ATP10B: variants seen among roughly 807,000 people sequenced by gnomAD.
ATP10B encodes the protein phospholipid-transporting ATPase VB.
Under a neutral mutation model 141.2 loss-of-function variants are expected in ATP10B, and 122 were observed. That is an observed-to-expected ratio of 0.86 (90% confidence interval 0.75 to 1.00). The LOEUF (loss-of-function observed/expected upper bound fraction) is 1.00, where lower values mean the gene tolerates loss of function less well. ATP10B is among the 50% of genes least tolerant of loss of function. The pLI is 0.00. For synonymous variants in ATP10B, 685 were observed against 692.0 expected, an observed-to-expected ratio of 0.99 and a Z score of 0.16; for missense variants, 1,876 against 1,825.3, an observed-to-expected ratio of 1.03 and a Z score of -0.51.
chr5:160,671,470 T>C lies in ATP10B; in HGVS notation c.471-803A>G, dbSNP rs76880663. On this transcript the variant is annotated intron_variant, in intron 6 of 25. Transcript: ENST00000327245. ...AGTGACGATAGGAAAGGCGAGGATC[T>C]CTGCCACTGTCTAGGAAGATCCGGA... Among the ~76,000 whole-genome samples, 875 of 152,244 alleles carry C rather than the reference T, an allele frequency of 5.7e-3. 13 individuals are homozygous for C. Among genetic ancestry groups the C allele is most frequent in the African/African-American group, 0.02 (837 of 41,552 alleles).
intron 17 of ATP10B, chr5:160,614,594 G>A (rs1435031179): frequency 6.6e-6 from 1 of 152,230 alleles, no homozygotes; most frequent in Non-Finnish European, 1.5e-5. Flanking sequence ...GACCTTATGA[G>A]GTAGCAAGCA....
At chr5:160,836,389 G>C (rs1278322800) in intron 1 of ATP10B, among the ~76,000 whole-genome samples, 1 of 151,952 alleles carries the variant, frequency 6.6e-6, no homozygotes, top group Non-Finnish European at 1.5e-5. Flanking sequence ...ACCTAGTGCT[G>C]ACTGAATTAT....
chr5:160,860,352 A>C, the ATP10B span, among the ~76,000 whole-genome samples: 891 of 152,074 alleles, frequency 5.9e-3, 12 homozygotes, highest in African/African-American at 0.02. Context: ...TAAATGTCAC[A>C]TTGTTTCTGT....
At chr5:160,575,727 A>T (rs1272921966) in intron 24 of ATP10B, among the ~76,000 whole-genome samples, 1 of 152,216 alleles carries the variant, frequency 6.6e-6, no homozygotes, top group Non-Finnish European at 1.5e-5. Flanking sequence ...CTAAATAGCC[A>T]CAGTCAATTT....
intron 2 of ATP10B, among the ~76,000 whole-genome samples, chr5:160,742,713 C>T (rs932048226): frequency 6.6e-6 from 1 of 151,934 alleles, no homozygotes; most frequent in African/African-American, 2.4e-5. Context: ...TGTAGGTGCA[C>T]AAGGAAAGAA....
intron 1 of ATP10B, among the ~76,000 whole-genome samples, chr5:160,828,201 T>A (rs1158467020): frequency 6.6e-6 from 1 of 151,964 alleles, no homozygotes; most frequent in Non-Finnish European, 1.5e-5. Context: ...GAAGCCAAAA[T>A]TGACAAATGG....
At chr5:160,919,403 T>A in the ATP10B span, among the ~76,000 whole-genome samples, 1 of 151,946 alleles carries the variant, frequency 6.6e-6, no homozygotes, top group Non-Finnish European at 1.5e-5. Flanking sequence ...GAACCAGGAC[T>A]CACACAAAGC....
chr5:160,762,058 T>C (rs1769088845), intron 2 of ATP10B, among the ~76,000 whole-genome samples: 1 of 152,094 alleles, frequency 6.6e-6, no homozygotes, highest in Non-Finnish European at 1.5e-5. Flanking sequence ...TTCCAAGAAA[T>C]TTGGGATTAT....
rs1003530048 is a variant in ATP10B at position 160,775,627 on chromosome 5, T to C, written c.-331+9932A>G. Among the ~76,000 whole-genome samples the C allele has an allele frequency of 2.0e-5, 3 of 152,018 alleles. No individual in the cohort carries two copies. The East Asian group carries it at 5.8e-4, about 29-fold the overall frequency. On this transcript the variant is annotated intron_variant, in intron 2 of 25. Coordinates refer to ENST00000327245, the MANE Select transcript of ATP10B (RefSeq NM_025153.3). Reference sequence around the variant, plus strand: ...GGGTTCAAATCCAAGCTCCACCACTTACTAGCTACATGGGTTCAAGAACTC... The same window carrying C: ...GGGTTCAAATCCAAGCTCCACCACTCACTAGCTACATGGGTTCAAGAACTC...
the ATP10B span, among the ~76,000 whole-genome samples, chr5:160,916,390 A>G: frequency 7.2e-3 from 1,102 of 152,262 alleles, 13 homozygotes; most frequent in African/African-American, 0.025. Context: ...AATTGAAGGC[A>G]AAAGATGTTT....
chr5:160,620,003 A>G lies in ATP10B; in HGVS notation c.2416+344T>C, dbSNP rs193264384. ...TCCAAAATGAAGAGTTAGGACCACA[A>G]TGTGTTCCATGGTAAGATAATGGAT... On this transcript the variant is annotated intron_variant, in intron 15 of 25. Coordinates refer to ENST00000327245, the MANE Select transcript of ATP10B (RefSeq NM_025153.3). Among the ~76,000 whole-genome samples, 24 of 152,266 alleles carry G rather than the reference A, an allele frequency of 1.6e-4. No individual in the cohort carries two copies. In the East Asian group the frequency reaches 3.1e-3, roughly 20 times the overall value.
intron 1 of ATP10B, among the ~76,000 whole-genome samples, chr5:160,834,596 G>T (rs1775305219): frequency 6.6e-6 from 1 of 152,262 alleles, no homozygotes; most frequent in Middle Eastern, 3.4e-3. Context: ...GAAACGTACA[G>T]ATGGGCCAAT....
chr5:160,811,072 AGAAGGGAATCTCTGCCTT>A (rs1380274217), intron 1 of ATP10B, among the ~76,000 whole-genome samples: 1 of 152,220 alleles, frequency 6.6e-6, no homozygotes, highest in Non-Finnish European at 1.5e-5. Context: ...ACCCTGGGCC[AGAAGGGAATCTCTGCCTT>A]GAAGGGAAGG....
At chr5:160,829,394 C>T (rs986926146) in intron 1 of ATP10B, among the ~76,000 whole-genome samples, 1 of 152,002 alleles carries the variant, frequency 6.6e-6, no homozygotes, top group Non-Finnish European at 1.5e-5. Flanking sequence ...TAGTTTGATT[C>T]CTCTGGCTTT....
the ATP10B span, among the ~76,000 whole-genome samples, chr5:160,879,432 T>C: frequency 7.6e-6 from 1 of 131,388 alleles, no homozygotes; most frequent in Non-Finnish European, 1.6e-5. Context: ...ATATACCTAA[T>C]GCTAGATGAC....
intron 1 of ATP10B, among the ~76,000 whole-genome samples, chr5:160,820,026 G>A (rs1373330651): frequency 1.3e-5 from 2 of 151,550 alleles, no homozygotes; most frequent in Non-Finnish European, 2.9e-5. Context: ...AAATAATAAG[G>A]ATCAGAGCAG....
At chr5:160,855,394 T>C (rs1453162913), upstream of ATP10B, among the ~76,000 whole-genome samples, 1 of 152,078 alleles carries the variant, frequency 6.6e-6, no homozygotes, top group Non-Finnish European at 1.5e-5. Flanking sequence ...TTGAGTATCT[T>C]TTTATGTGCT....
intron 2 of ATP10B, among the ~76,000 whole-genome samples, chr5:160,744,933 C>T (rs569390454): frequency 1.1e-4 from 16 of 152,332 alleles, no homozygotes; most frequent in Non-Finnish European, 2.2e-4. Context: ...GGGTGAGGAG[C>T]TGAGCAGCAG....
chr5:160,581,343 A>G (rs2098603), intron 24 of ATP10B, among the ~76,000 whole-genome samples: 119,184 of 151,782 alleles, frequency 0.79, 46,930 homozygotes, highest in East Asian at 0.85. Context: ...ATTCTGGTAC[A>G]TTGTGTCTTC....
Sources: gnomAD v4.1 joint callset for allele counts (sites outside exome capture counted in the v4.1 genomes callset) on GRCh38, gnomAD v4.1.1 for gene constraint, MANE v1.5 for transcripts, NCBI Gene and HGNC (gene_info 2026-07-23, HGNC 2026-07-21) for gene names.